ZNF525: variants seen among roughly 807,000 people sequenced by gnomAD.
ZNF525 encodes zinc finger protein 525.
A neutral mutation model predicts 37.6 loss-of-function variants in ZNF525; 33 were observed. The ratio of observed to expected loss-of-function variants is 0.88; its 90% CI spans 0.67 to 1.17. The LOEUF is 1.17. Ranked by LOEUF, ZNF525 falls within the 50% of genes most tolerant of loss-of-function variation. The pLI, the probability that ZNF525 is intolerant of heterozygous loss-of-function variation, is 0.00. For missense variants in ZNF525, 449 were observed against 543.1 expected, an observed-to-expected ratio of 0.83 and a Z score of 1.72; for synonymous variants, 170 against 182.3, an observed-to-expected ratio of 0.93 and a Z score of 0.54.
Position 53,382,436 on chromosome 19 carries a change from G to A in ZNF525, c.*417G>A, listed in dbSNP as rs2085573584. The A allele has an allele frequency of 3.7e-6, 3 of 820,666 alleles. No homozygotes were observed. In the South Asian group the frequency reaches 4.0e-5, roughly 11 times the overall value. 50.8% of individuals were successfully genotyped at this position (820,666 alleles called of 1,614,324 possible). ...AGTGTGGCAAGACCTTCAGTCAGAA[G>A]TCATGCCTTACACGCCATCATAGAC... is the stretch of plus-strand genomic sequence containing the variant. On this transcript the variant is annotated 3_prime_UTR_variant, in exon 4 of 4. Coordinates refer to ENST00000474037, the MANE Select transcript of ZNF525 (RefSeq NM_001348156.2).
Position 53,384,822 on chromosome 19 carries a change from A to G in ZNF525, c.*2803A>G. On this transcript the variant is annotated 3_prime_UTR_variant, in exon 4 of 4. Coordinates refer to ENST00000474037, the MANE Select transcript of ZNF525 (RefSeq NM_001348156.2). Reference sequence around the variant, plus strand: ...GCTCTGGCTAGGACAGGCAGTATTGATTGAATAGAAGGGGTGAGAGCATTC... The same window carrying G: ...GCTCTGGCTAGGACAGGCAGTATTGGTTGAATAGAAGGGGTGAGAGCATTC... 1 of 594,636 alleles carries G rather than the reference A, an allele frequency of 1.7e-6. No homozygotes were observed. Among genetic ancestry groups the G allele is most frequent in the Non-Finnish European group, 3.0e-6 (1 of 336,350 alleles). The allele number at this position is 594,636 out of a possible 1,614,324, so 36.8% of individuals were successfully genotyped here.
rs1214105696 is a variant in ZNF525 at position 53,369,725 on chromosome 19, T to C, written c.-67-2490T>C. ...TTGCAAAAGAAGTTTCTTTTTTTTT[T>C]TTTTTTTTTTTTTTTTTTTGAGACG... is the stretch of plus-strand genomic sequence containing the variant. On this transcript the variant is annotated intron_variant, in intron 1 of 3. Coordinates refer to ENST00000474037, the MANE Select transcript of ZNF525 (RefSeq NM_001348156.2). Among the ~76,000 whole-genome samples the C allele has an allele frequency of 1.7e-4, 6 of 35,238 alleles. 1 individual carries two copies. The highest frequency in any genetic ancestry group is 3.4e-4 in the African/African-American group (6 of 17,692). The allele number at this position is 35,238 out of a possible 152,430, so 23.1% of individuals were successfully genotyped here.
intron 1 of ZNF525, among the ~76,000 whole-genome samples, chr19:53,371,411 A>T (rs144880001): frequency 0.01 from 1,575 of 151,524 alleles, 9 homozygotes; most frequent in Middle Eastern, 0.027. Flanking sequence ...TCATTCTGTC[A>T]CCCAGGCTGG....
intron 3 of ZNF525, among the ~76,000 whole-genome samples, chr19:53,379,669 T>A (rs1384421868): frequency 6.6e-6 from 1 of 152,230 alleles, no homozygotes; most frequent in Non-Finnish European, 1.5e-5. Context: ...CTTTTCGGTA[T>A]GTGGTATGCA....
At chr19:53,375,933 C>G (rs2085518679) in intron 3 of ZNF525, 37 bp downstream of exon 3, 1 of 1,611,642 alleles carries the variant, frequency 6.2e-7, no homozygotes, top group Non-Finnish European at 8.5e-7. Context: ...GGGATGTGTC[C>G]TTTCGTATCT....
Position 53,383,240 on chromosome 19 carries a change from T to C in ZNF525, c.*1221T>C, listed in dbSNP as rs1435930479. On this transcript the variant is annotated 3_prime_UTR_variant, in exon 4 of 4. Transcript: ENST00000474037. ...TCACACTGGGGAGAAACCTTACAAG[T>C]GTAATGAGTGTGGCAAAACCTTCCA... The C allele has an allele frequency of 1.1e-5, 16 of 1,430,540 alleles. No homozygotes were observed. The highest frequency in any genetic ancestry group is 1.4e-5 in the Non-Finnish European group (15 of 1,041,000). The allele number at this position is 1,430,540 out of a possible 1,614,324, so 88.6% of individuals were successfully genotyped here.
Position 53,382,302 on chromosome 19 carries a change from G to A in ZNF525, c.*283G>A. ...TACATGCCATCATAGACTTCATACTGGAGAGAAACCTTACAAATGTGAAGA... is the reference window on the plus strand; with the variant it reads ...TACATGCCATCATAGACTTCATACTAGAGAGAAACCTTACAAATGTGAAGA... On this transcript the variant is annotated 3_prime_UTR_variant, in exon 4 of 4. Coordinates refer to ENST00000474037, the MANE Select transcript of ZNF525 (RefSeq NM_001348156.2). 3 of 1,398,702 alleles carry A rather than the reference G, an allele frequency of 2.1e-6. No individual in the cohort carries two copies. The highest frequency in any genetic ancestry group is 1.7e-5 in the Admixed American group (1 of 59,550). 86.6% of individuals were successfully genotyped at this position (1,398,702 alleles called of 1,614,324 possible).
chr19:53,379,110 A>G (rs1301638386), intron 3 of ZNF525, among the ~76,000 whole-genome samples: 3 of 150,132 alleles, frequency 2.0e-5, no homozygotes, highest in African/African-American at 5.0e-5. Flanking sequence ...CGGCACTATT[A>G]GTCAATTCTT....
At chr19:53,369,919 T>C (rs1220691512) in intron 1 of ZNF525, among the ~76,000 whole-genome samples, 1 of 142,854 alleles carries the variant, frequency 7.0e-6, no homozygotes, top group South Asian at 2.3e-4. Context: ...AGAGGTGGGG[T>C]TTCACCGTGT....
rs1568762646 is a variant in ZNF525, at chr19:53,381,644, CGAATGTGAA to C, written c.1074_1082del (p.Glu358_Cys360del). 1 of 1,129,648 alleles carries C rather than the reference CGAATGTGAA, an allele frequency of 8.9e-7. No individual in the cohort carries two copies. The highest frequency in any genetic ancestry group is 1.7e-5 in the Admixed American group (1 of 59,402). The allele number at this position is 1,129,648 out of a possible 1,614,324, so 70.0% of individuals were successfully genotyped here. A position where few individuals can be genotyped will look rare whatever the true frequency, so the allele number is the denominator to read the frequency against. Reference sequence around the variant, plus strand: ...GCATTCATACTGGAAAGAAACCTTACGAATGTGAAGAATGTGACAAAGCTTTCAGTTTCA... The same window carrying C: ...GCATTCATACTGGAAAGAAACCTTACGAATGTGACAAAGCTTTCAGTTTCA... On this transcript the variant is annotated inframe_deletion, in exon 4 of 4. Transcript: ENST00000474037.
intron 1 of ZNF525, among the ~76,000 whole-genome samples, chr19:53,369,578 GA>G (rs2085470724): frequency 6.8e-6 from 1 of 147,828 alleles, no homozygotes; most frequent in Admixed American, 6.7e-5. Context: ...TTCTACAGCT[GA>G]CCTTCTTTTC....
At position 53,377,912 on chromosome 19, in the gene ZNF525, C is replaced by G. The variant is rs139686733; in HGVS notation, c.142+2016C>G. Among the ~76,000 whole-genome samples the G allele has an allele frequency of 4.2e-3, 643 of 152,260 alleles. 3 individuals carry two copies. Among genetic ancestry groups the G allele is most frequent in the African/African-American group, 0.014 (602 of 41,538 alleles). ...TGCTATTAGATGGCTTCAAGTATTG[C>G]AAAATTTATAGTACAGGCCCTAAAC... On this transcript the variant is annotated intron_variant, in intron 3 of 3. Coordinates refer to ENST00000474037, the MANE Select transcript of ZNF525 (RefSeq NM_001348156.2).
intron 2 of ZNF525, among the ~76,000 whole-genome samples, chr19:53,372,682 G>A (rs557761124): frequency 1.3e-5 from 2 of 152,220 alleles, no homozygotes; most frequent in South Asian, 2.1e-4. Context: ...CACAAAGTAC[G>A]TGGTAAATTC....
chr19:53,377,945 G>C (rs1443656195), intron 3 of ZNF525, among the ~76,000 whole-genome samples: 1 of 152,128 alleles, frequency 6.6e-6, no homozygotes, highest in Non-Finnish European at 1.5e-5. Context: ...AACTTCCTTT[G>C]TTTAATTAGA....
chr19:53,378,231 C>T (rs2085535259), intron 3 of ZNF525, among the ~76,000 whole-genome samples: 1 of 152,058 alleles, frequency 6.6e-6, no homozygotes, highest in African/African-American at 2.4e-5. Flanking sequence ...CCGAGAGGGG[C>T]GGATCACCTG....
intron 2 of ZNF525, 70 bp from the exon 3 acceptor site, chr19:53,375,700 C>T: frequency 1.9e-6 from 3 of 1,613,306 alleles, no homozygotes; most frequent in Middle Eastern, 1.7e-4. Flanking sequence ...CCCCTCTCTC[C>T]TCTTCTCATT....
Position 53,385,733 on chromosome 19 carries a change from T to C in ZNF525, c.*3714T>C, listed in dbSNP as rs2085601123. On this transcript the variant is annotated 3_prime_UTR_variant, in exon 4 of 4. Transcript: ENST00000474037. ...ACGTTTGGGTAGAGGAATAATGAAATCATTGATGCTTTATAAAAAGGTTAT... is the reference window on the plus strand; with the variant it reads ...ACGTTTGGGTAGAGGAATAATGAAACCATTGATGCTTTATAAAAAGGTTAT... 1 of 154,624 alleles carries C rather than the reference T, an allele frequency of 6.5e-6. No homozygotes were observed. Among genetic ancestry groups the C allele is most frequent in the African/African-American group, 2.4e-5 (1 of 41,406 alleles). 9.6% of individuals were successfully genotyped at this position (154,624 alleles called of 1,614,324 possible).
At position 53,383,712 on chromosome 19, in the gene ZNF525, G is replaced by A. The variant is rs2147076135; in HGVS notation, c.*1693G>A. 1.5e-6 allele frequency: 1 copy of A among 649,092 alleles called. No individual in the cohort carries two copies. Among genetic ancestry groups the A allele is most frequent in the East Asian group, 3.8e-5 (1 of 26,420 alleles). 40.2% of individuals were successfully genotyped at this position (649,092 alleles called of 1,614,324 possible). A position where few individuals can be genotyped will look rare whatever the true frequency, so the allele number is the denominator to read the frequency against. ...ACAACCATTGTAAATCACTGGAGAAGCCATAATGAAGAGAGATCTTACAAA... is the reference window on the plus strand; with the variant it reads ...ACAACCATTGTAAATCACTGGAGAAACCATAATGAAGAGAGATCTTACAAA... On this transcript the variant is annotated 3_prime_UTR_variant, in exon 4 of 4. Transcript: ENST00000474037.
rs1006743226 is a variant in ZNF525 at position 53,386,291 on chromosome 19, A to G, written c.*4272A>G. The G allele has an allele frequency of 2.0e-5, 14 of 704,350 alleles. No homozygotes were observed. Among genetic ancestry groups the G allele is most frequent in the African/African-American group, 5.9e-5 (3 of 51,024 alleles). 43.6% of individuals were successfully genotyped at this position (704,350 alleles called of 1,614,324 possible). A position where few individuals can be genotyped will look rare whatever the true frequency, so the allele number is the denominator to read the frequency against. On this transcript the variant is annotated 3_prime_UTR_variant, in exon 4 of 4. Coordinates refer to ENST00000474037, the MANE Select transcript of ZNF525 (RefSeq NM_001348156.2). Reference sequence around the variant, plus strand: ...TTCCTGGCCAAGAAACAAAAGCAAAACCATCCCACTCCCCTGTGGATTCAG... The same window carrying G: ...TTCCTGGCCAAGAAACAAAAGCAAAGCCATCCCACTCCCCTGTGGATTCAG...
Sources: allele counts gnomAD v4.1 joint callset (sites outside exome capture counted in the v4.1 genomes callset), GRCh38; gene constraint gnomAD v4.1.1; transcripts MANE v1.5; gene names NCBI Gene and HGNC (gene_info 2026-07-23, HGNC 2026-07-21).